The following GDAP1 variants were observed in gnomAD, a reference collection of about 807,000 sequenced individuals.
GDAP1 encodes ganglioside induced differentiation associated protein 1.
In GDAP1, 34 loss-of-function variants were observed where a neutral mutation model predicts 40.1. The ratio of observed to expected loss-of-function variants is 0.85; its 90% CI spans 0.64 to 1.13. The LOEUF is 1.13. Ranked by LOEUF, GDAP1 falls within the 50% of genes most tolerant of loss-of-function variation. GDAP1 has a pLI of 0.00. For synonymous variants in GDAP1, 170 were observed against 157.4 expected (o/e 1.08, Z -0.60); for missense variants, 374 against 433.7 (o/e 0.86, Z 1.22).
chr8:74,391,229 A>G (rs573489533), intron 2 of GDAP1, among the ~76,000 whole-genome samples: 1 of 146,338 alleles, frequency 6.8e-6, no homozygotes, highest in Non-Finnish European at 1.5e-5. Flanking sequence ...TGGGGTATGA[A>G]AAAAAAAACT....
chr8:74,421,741 G>A (rs564409469), intron 2 of GDAP1, among the ~76,000 whole-genome samples: 7 of 152,278 alleles, frequency 4.6e-5, no homozygotes, highest in African/African-American at 1.4e-4. Flanking sequence ...ACAGCAGGGC[G>A]GTTGGTCCTA....
At chr8:74,417,209 C>T (rs532875008) in intron 2 of GDAP1, among the ~76,000 whole-genome samples, 3 of 149,858 alleles carry the variant, frequency 2.0e-5, no homozygotes, top group African/African-American at 7.6e-5. Flanking sequence ...TTGATTTATT[C>T]ATGATAAAAA....
At chr8:74,421,213 C>T (rs1170755867) in intron 2 of GDAP1, among the ~76,000 whole-genome samples, 3 of 152,148 alleles carry the variant, frequency 2.0e-5, no homozygotes, top group South Asian at 2.1e-4. Context: ...TAAACCTTGC[C>T]CTAAAATGTA....
Position 74,356,714 on chromosome 8 carries a change from A to ATTT in GDAP1, c.311-3422_311-3421insTTT, listed in dbSNP as rs1453688558. Among the ~76,000 whole-genome samples, 135 of 57,882 alleles carry ATTT rather than the reference A, an allele frequency of 2.3e-3. 1 individual carries two copies. Among genetic ancestry groups the ATTT allele is most frequent in the South Asian group, 4.2e-3 (7 of 1,670 alleles). The allele number at this position is 57,882 out of a possible 152,430, so 38.0% of individuals were successfully genotyped here. ...TGTTTGTGTGTGTGTATATATATAT[A>ATTT]TATTTTTTTTTTTTTTTTTGAGACG... On this transcript the variant is annotated intron_variant, in intron 2 of 5. Coordinates refer to ENST00000220822, the MANE Select transcript of GDAP1 (RefSeq NM_018972.4).
chr8:74,376,200 T>G (rs1367097917), intron 2 of GDAP1, among the ~76,000 whole-genome samples: 1 of 152,224 alleles, frequency 6.6e-6, no homozygotes, highest in Non-Finnish European at 1.5e-5. Flanking sequence ...TATCTGTAGA[T>G]TGAATGAAGT....
intron 2 of GDAP1, among the ~76,000 whole-genome samples, chr8:74,450,193 A>T (rs746410904): frequency 2.0e-5 from 3 of 151,382 alleles, no homozygotes; most frequent in Non-Finnish European, 4.4e-5. Context: ...CTGTTGTTAG[A>T]TAACGTGTTC....
chr8:74,418,918 C>T (rs1301000494), intron 2 of GDAP1, among the ~76,000 whole-genome samples: 1 of 152,070 alleles, frequency 6.6e-6, no homozygotes, highest in East Asian at 1.9e-4. Context: ...TAGCAAATAA[C>T]CACTTCATAG....
chr8:74,375,198 G>A (rs1225384790), intron 2 of GDAP1, among the ~76,000 whole-genome samples: 4 of 152,104 alleles, frequency 2.6e-5, no homozygotes, highest in African/African-American at 9.7e-5. Flanking sequence ...ATGGTGGTGT[G>A]CACCTGTAAT....
intron 2 of GDAP1, among the ~76,000 whole-genome samples, chr8:74,437,126 C>T (rs997369551): frequency 1.3e-5 from 2 of 152,162 alleles, no homozygotes; most frequent in African/African-American, 4.8e-5. Context: ...CCAAATTATA[C>T]GTTCATGCCT....
rs4321999 is a variant in GDAP1, at chr8:74,350,606, G to A, written c.117+28G>A. 1,359,173 of 1,363,106 alleles carry A rather than the reference G, an allele frequency of 1. 677,670 individuals carry two copies. The highest frequency in any genetic ancestry group is 1 in the East Asian group (43,757 of 43,758). 84.4% of individuals were successfully genotyped at this position (1,363,106 alleles called of 1,614,324 possible). A position where few individuals can be genotyped will look rare whatever the true frequency, so the allele number is the denominator to read the frequency against. On this transcript the variant is annotated intron_variant, in intron 1 of 5. Coordinates refer to ENST00000220822, the MANE Select transcript of GDAP1 (RefSeq NM_018972.4). ...ACAACAGGCCTTGGCGGCGGAGGGT[G>A]GCGCGGATCGGGCTTCAGCACTGGG...
chr8:74,382,610 T>C (rs539157172), intron 2 of GDAP1, among the ~76,000 whole-genome samples: 1 of 152,248 alleles, frequency 6.6e-6, no homozygotes, highest in East Asian at 1.9e-4. Flanking sequence ...AATACTACTT[T>C]TAAATTCTCT....
intron 2 of GDAP1, among the ~76,000 whole-genome samples, chr8:74,389,327 C>T (rs953560016): frequency 1.3e-5 from 2 of 152,058 alleles, no homozygotes; most frequent in African/African-American, 4.8e-5. Flanking sequence ...TTTTTCCTTT[C>T]CATATTTAGT....
chr8:74,391,800 A>G (rs1345011916), intron 2 of GDAP1, among the ~76,000 whole-genome samples: 3 of 152,116 alleles, frequency 2.0e-5, no homozygotes, highest in African/African-American at 4.8e-5. Flanking sequence ...CATATTTATT[A>G]TTGACTTCAG....
chr8:74,398,511 T>C (rs975542626), intron 2 of GDAP1, among the ~76,000 whole-genome samples: 2 of 152,196 alleles, frequency 1.3e-5, no homozygotes, highest in South Asian at 4.1e-4. Context: ...CAATTTGACT[T>C]CCTCTTTTCC....
At position 74,361,866 on chromosome 8, in the gene GDAP1, A is replaced by G; in HGVS notation, c.485-18A>G. ...GGGAGAAAATAATTTTCTGTTTCCA[A>G]AATGTTTTTATTATCAGGCCAAATT... On this transcript the variant is annotated intron_variant, in intron 3 of 5. Coordinates refer to ENST00000220822, the MANE Select transcript of GDAP1 (RefSeq NM_018972.4). The G allele has an allele frequency of 7.0e-7, 1 of 1,420,344 alleles. No individual in the cohort carries two copies. The highest frequency in any genetic ancestry group is 1.1e-5 in the South Asian group (1 of 87,810). 88.0% of individuals were successfully genotyped at this position (1,420,344 alleles called of 1,614,324 possible). A position where few individuals can be genotyped will look rare whatever the true frequency, so the allele number is the denominator to read the frequency against.
At chr8:74,422,244 CCCTCCTTT>C (rs1451886750) in intron 2 of GDAP1, among the ~76,000 whole-genome samples, 32 of 147,896 alleles carry the variant, frequency 2.2e-4, no homozygotes, top group East Asian at 6.0e-4. Flanking sequence ...CTCCCTCCCT[CCCTCCTTT>C]CTTTCTTTCT....
At chr8:74,431,658 T>G (rs977790631) in intron 2 of GDAP1, among the ~76,000 whole-genome samples, 1 of 151,980 alleles carries the variant, frequency 6.6e-6, no homozygotes, top group Non-Finnish European at 1.5e-5. Flanking sequence ...ATTTTTTGTA[T>G]TTTTAGTAGA....
At position 74,470,993 on chromosome 8, in the gene GDAP1, T is replaced by A. The variant is rs560434988; in HGVS notation, c.166-17685T>A. ...TTGTGGGTTTGATTTGCATTTCTCTTATGGCCAGTGATGATGAGCATTTTT... is the reference window on the plus strand; with the variant it reads ...TTGTGGGTTTGATTTGCATTTCTCTAATGGCCAGTGATGATGAGCATTTTT... On this transcript the variant is annotated intron_variant, in intron 2 of 2. Coordinates refer to the GDAP1 transcript ENST00000523640. 4.4e-3 allele frequency among the ~76,000 whole-genome samples: 668 copies of A among 152,334 alleles called. 4 individuals are homozygous for A. The highest frequency in any genetic ancestry group is 0.014 in the African/African-American group (590 of 41,568).
chr8:74,458,023 T>A (rs1367998748), intron 2 of GDAP1, among the ~76,000 whole-genome samples: 2 of 152,144 alleles, frequency 1.3e-5, no homozygotes, highest in East Asian at 3.8e-4. Flanking sequence ...TAAGAATAAC[T>A]GTTCACCGTC....
Sources: allele counts gnomAD v4.1 joint callset (sites outside exome capture counted in the v4.1 genomes callset), GRCh38; gene constraint gnomAD v4.1.1; transcripts MANE v1.5; gene names NCBI Gene and HGNC (gene_info 2026-07-23, HGNC 2026-07-21).